The following KCNIP4 variants were observed in gnomAD, a reference collection of about 807,000 sequenced individuals.
KCNIP4 encodes the protein Kv channel-interacting protein 4.
A neutral mutation model predicts 34.0 loss-of-function variants in KCNIP4; 12 were observed. The observed-to-expected ratio is 0.35, with a 90% CI of 0.23 to 0.57. KCNIP4 has a LOEUF of 0.57. Ranked by LOEUF, KCNIP4 falls within the 20% of genes least tolerant of loss-of-function variation. KCNIP4 has a pLI of 0.83. For missense variants in KCNIP4, 238 were observed against 311.7 expected, an observed-to-expected ratio of 0.76 and a Z score of 1.78; for synonymous variants, 124 against 102.2, an observed-to-expected ratio of 1.21 and a Z score of -1.29.
At chr4:21,810,638 C>G (rs1007091035) in intron 1 of KCNIP4, among the ~76,000 whole-genome samples, 1 of 143,814 alleles carries the variant, frequency 7.0e-6, no homozygotes, top group Admixed American at 7.3e-5. Context: ...TGCAGTGAGC[C>G]GAGATCGCGC....
chr4:21,082,865 TTCTATCTATCTATCTA>T (rs71182707), intron 1 of KCNIP4, among the ~76,000 whole-genome samples: 26 of 147,570 alleles, frequency 1.8e-4, no homozygotes, highest in East Asian at 6.1e-4. Context: ...TGCCAGGTTA[TTCTATCTATCTATCTA>T]TCTATCTATC....
intron 1 of KCNIP4, among the ~76,000 whole-genome samples, chr4:21,919,420 T>C (rs1254954665): frequency 6.6e-6 from 1 of 152,178 alleles, no homozygotes; most frequent in African/African-American, 2.4e-5. Flanking sequence ...AAGCACATTC[T>C]AAGTAGCTTT....
chr4:21,296,987 T>C (rs771111311), intron 1 of KCNIP4, among the ~76,000 whole-genome samples: 2 of 151,854 alleles, frequency 1.3e-5, no homozygotes, highest in African/African-American at 2.4e-5. Context: ...TATTTATATA[T>C]GTATGTGTGT....
chr4:21,666,745 T>C (rs537321070), intron 1 of KCNIP4, among the ~76,000 whole-genome samples: 8 of 152,330 alleles, frequency 5.3e-5, no homozygotes, highest in Admixed American at 2.0e-4. Context: ...AGCTGTCTTT[T>C]ATATGAAAAG....
chr4:21,790,827 A>G (rs1720227401), intron 1 of KCNIP4, among the ~76,000 whole-genome samples: 2 of 152,136 alleles, frequency 1.3e-5, no homozygotes, highest in African/African-American at 4.8e-5. Flanking sequence ...AGCCATTATA[A>G]TTCCAAGTTA....
intron 1 of KCNIP4, among the ~76,000 whole-genome samples, chr4:21,842,426 A>C (rs1266113109): frequency 6.6e-6 from 1 of 152,074 alleles, no homozygotes; most frequent in African/African-American, 2.4e-5. Flanking sequence ...AGTAATATTT[A>C]TCTCTGAATA....
At chr4:21,568,878 G>A (rs1001175551) in intron 1 of KCNIP4, among the ~76,000 whole-genome samples, 9 of 152,048 alleles carry the variant, frequency 5.9e-5, no homozygotes, top group African/African-American at 2.2e-4. Flanking sequence ...TATCCTGTTA[G>A]TTGTGTCCCT....
intron 1 of KCNIP4, among the ~76,000 whole-genome samples, chr4:21,109,016 G>A (rs1748862372): frequency 6.6e-6 from 1 of 152,184 alleles, no homozygotes. Flanking sequence ...CTACTGGGGG[G>A]TGCCTCCCAG....
intron 1 of KCNIP4, among the ~76,000 whole-genome samples, chr4:20,893,912 T>C (rs532935584): frequency 6.6e-6 from 1 of 152,284 alleles, no homozygotes; most frequent in African/African-American, 2.4e-5. Flanking sequence ...CAGTGAGCCA[T>C]GATCAAGCTC....
chr4:21,502,150 C>A (rs1733420210), intron 1 of KCNIP4, among the ~76,000 whole-genome samples: 1 of 152,012 alleles, frequency 6.6e-6, no homozygotes. Flanking sequence ...GAGAAATTTA[C>A]TTTATAAAAA....
At chr4:21,170,395 G>T (rs1753934068) in intron 1 of KCNIP4, among the ~76,000 whole-genome samples, 1 of 152,098 alleles carries the variant, frequency 6.6e-6, no homozygotes, top group African/African-American at 2.4e-5. Context: ...TTAGTGTAAG[G>T]CCCCAGACTT....
At position 21,611,440 on chromosome 4, in the gene KCNIP4, C is replaced by T. The variant is rs141066122; in HGVS notation, c.61+337131G>A. Among the ~76,000 whole-genome samples the T allele has an allele frequency of 7.3e-3, 1,108 of 152,170 alleles. 6 individuals are homozygous for T. Among genetic ancestry groups the T allele is most frequent in the Middle Eastern group, 0.017 (5 of 294 alleles). On this transcript the variant is annotated intron_variant, in intron 1 of 8. Coordinates refer to ENST00000382152, the MANE Select transcript of KCNIP4 (RefSeq NM_025221.6). ...GCCACCTCCATGATCCAATCACCTC[C>T]CATCAAGTCTCTCCCTAGATACATG...
chr4:21,059,216 T>G (rs28550507), intron 1 of KCNIP4, among the ~76,000 whole-genome samples: 3,544 of 152,148 alleles, frequency 0.023, 125 homozygotes, highest in African/African-American at 0.08. Flanking sequence ...CTCCCTGAGG[T>G]GTTGATTAAG....
intron 1 of KCNIP4, among the ~76,000 whole-genome samples, chr4:21,597,778 C>T (rs1323000397): frequency 6.6e-6 from 1 of 152,090 alleles, no homozygotes; most frequent in Non-Finnish European, 1.5e-5. Context: ...ACTGCTTTAA[C>T]AGCAAAGCAT....
intron 1 of KCNIP4, among the ~76,000 whole-genome samples, chr4:21,423,511 A>G (rs747993128): frequency 1.2e-4 from 18 of 152,346 alleles, no homozygotes; most frequent in Non-Finnish European, 2.1e-4. Flanking sequence ...GTTGAATGAC[A>G]AAGTAAATGA....
At position 20,982,272 on chromosome 4, in the gene KCNIP4, T is replaced by C. The variant is rs112615098; in HGVS notation, c.62-99563A>G. Among the ~76,000 whole-genome samples, 17 of 152,274 alleles carry C rather than the reference T, an allele frequency of 1.1e-4. 2 individuals are homozygous for C. The highest frequency in any genetic ancestry group is 3.1e-4 in the African/African-American group (13 of 41,546). ...TCAGCTCCAGTACAATGCACTGAAG[T>C]TGGGGGCTGTGGCTCAACTAAGTCC... is the stretch of plus-strand genomic sequence containing the variant. On this transcript the variant is annotated intron_variant, in intron 1 of 8. Transcript: ENST00000382152.
rs1756433531 is a variant in KCNIP4, at chr4:21,200,775, C to T, written c.62-318066G>A. ...CATGTAACAAAAAACCACTTGTACC[C>T]CTAAAGCTACTGAAATAAAAAAAAT... On this transcript the variant is annotated intron_variant, in intron 1 of 8. Coordinates refer to ENST00000382152, the MANE Select transcript of KCNIP4 (RefSeq NM_025221.6). 3.3e-5 allele frequency among the ~76,000 whole-genome samples: 5 copies of T among 151,676 alleles called. No individual in the cohort carries two copies. The South Asian group carries it at 1.0e-3, about 31-fold the overall frequency.
At chr4:21,348,598 C>A (rs1354351699) in intron 1 of KCNIP4, among the ~76,000 whole-genome samples, 1 of 152,144 alleles carries the variant, frequency 6.6e-6, no homozygotes, top group Admixed American at 6.6e-5. Context: ...TTAAACCAAA[C>A]CATCTTAATA....
chr4:21,428,429 T>C (rs1726120713), intron 1 of KCNIP4, among the ~76,000 whole-genome samples: 1 of 152,190 alleles, frequency 6.6e-6, no homozygotes, highest in Admixed American at 6.5e-5. Context: ...CTTCAACTGA[T>C]ATTTTTTACA....
Sources: gnomAD v4.1 joint callset for allele counts (sites outside exome capture counted in the v4.1 genomes callset) on GRCh38, gnomAD v4.1.1 for gene constraint, MANE v1.5 for transcripts, NCBI Gene and HGNC (gene_info 2026-07-23, HGNC 2026-07-21) for gene names.